Variants in PLCH1 observed in about 807,000 individuals in gnomAD.
The protein encoded by PLCH1 is 1-phosphatidylinositol 4,5-bisphosphate phosphodiesterase eta-1.
PLCH1 carries 60 observed loss-of-function variants against 126.7 expected under a neutral mutation model. That is an observed-to-expected ratio of 0.47 (90% CI 0.38 to 0.59). The LOEUF (loss-of-function observed/expected upper bound fraction) is 0.59, where lower values mean the gene tolerates loss of function less well. Among genes scored for constraint, PLCH1 ranks in the 20% least tolerant of loss-of-function variants. The pLI is 0.00. For synonymous variants in PLCH1, 719 were observed against 734.9 expected, an observed-to-expected ratio of 0.98 and a Z score of 0.35; for missense variants, 1,723 against 2,040.0, an observed-to-expected ratio of 0.84 and a Z score of 2.99.
chr3:155,546,072 C>T (rs1725227814), intron 10 of PLCH1, among the ~76,000 whole-genome samples: 1 of 152,080 alleles, frequency 6.6e-6, no homozygotes. Context: ...AAAGGGTATT[C>T]AATTAGGAAA....
chr3:155,743,044 T>A (rs1022142690), intron 1 of PLCH1: 3 of 277,566 alleles, frequency 1.1e-5, no homozygotes, highest in South Asian at 3.0e-5. Context: ...TTCTAACCAA[T>A]GTTAAATAGC....
At chr3:155,498,406 G>A (rs1013166739) in intron 14 of PLCH1, among the ~76,000 whole-genome samples, 1 of 152,158 alleles carries the variant, frequency 6.6e-6, no homozygotes, top group Non-Finnish European at 1.5e-5. Flanking sequence ...TCATGATGAC[G>A]TGGGGACTAT....
chr3:155,462,098 A>G (rs906902905), intron 21 of PLCH1, among the ~76,000 whole-genome samples: 5 of 152,226 alleles, frequency 3.3e-5, no homozygotes, highest in South Asian at 2.1e-4. Context: ...TGAACTGGAA[A>G]TTGCAACTAT....
chr3:155,526,489 T>TACACACACACAC (rs35144196), intron 10 of PLCH1, among the ~76,000 whole-genome samples: 116 of 126,658 alleles, frequency 9.2e-4, no homozygotes, highest in African/African-American at 3.0e-3. Context: ...CTCTCTCTCA[T>TACACACACACAC]ACACACACAC....
chr3:155,470,578 C>T (rs968742996), intron 21 of PLCH1, among the ~76,000 whole-genome samples: 1 of 152,032 alleles, frequency 6.6e-6, no homozygotes, highest in Non-Finnish European at 1.5e-5. Flanking sequence ...ACAGAAAACG[C>T]CACAAAGATA....
intron 2 of PLCH1, among the ~76,000 whole-genome samples, chr3:155,613,511 T>A (rs1735404214): frequency 6.6e-6 from 1 of 152,120 alleles, no homozygotes; most frequent in African/African-American, 2.4e-5. Context: ...CACAAGTCAA[T>A]AAATATGTTA....
At chr3:155,555,104 G>C (rs1726635708) in intron 8 of PLCH1, among the ~76,000 whole-genome samples, 1 of 152,214 alleles carries the variant, frequency 6.6e-6, no homozygotes. Context: ...GCATAGCACA[G>C]CATCCAACAC....
At chr3:155,700,121 G>T (rs117303061) in intron 2 of PLCH1, among the ~76,000 whole-genome samples, 1 of 152,126 alleles carries the variant, frequency 6.6e-6, no homozygotes, top group African/African-American at 2.4e-5. Flanking sequence ...GGCCCCAGAA[G>T]TGACATGAGG....
At chr3:155,711,072 ACTT>A (rs1425127512) in intron 1 of PLCH1, among the ~76,000 whole-genome samples, 1 of 151,722 alleles carries the variant, frequency 6.6e-6, no homozygotes, top group Non-Finnish European at 1.5e-5. Context: ...CAACAAATAT[ACTT>A]CTACAGAACA....
chr3:155,538,341 G>C (rs530141029), intron 10 of PLCH1, among the ~76,000 whole-genome samples: 3 of 152,132 alleles, frequency 2.0e-5, no homozygotes, highest in Admixed American at 2.0e-4. Context: ...CAAGGAACTA[G>C]AGAAACAAAA....
At chr3:155,721,874 C>A (rs1390975736) in intron 1 of PLCH1, among the ~76,000 whole-genome samples, 1 of 152,014 alleles carries the variant, frequency 6.6e-6, no homozygotes, top group Non-Finnish European at 1.5e-5. Flanking sequence ...ATGGTGAAAC[C>A]TCATCTCTAC....
chr3:155,482,800 G>C lies in PLCH1; in HGVS notation c.3226C>G (p.Leu1076Val), dbSNP rs375884401. 9.9e-6 allele frequency: 16 copies of C among 1,614,040 alleles called. No individual in the cohort carries two copies. The highest frequency in any genetic ancestry group is 3.3e-5 in the South Asian group (3 of 91,078). Reference protein sequence around the residue: ...CQENPCPSKSLSPKQHLAPDP... With the variant: ...CQENPCPSKSVSPKQHLAPDP... ...GGAGCCAAATGCTGCTTTGGGGAGAGAGACTTGCTGGGACAGGGGTTTTCC... is the reference window on the plus strand; with the variant it reads ...GGAGCCAAATGCTGCTTTGGGGAGACAGACTTGCTGGGACAGGGGTTTTCC... The change falls in exon 23 of 23, where the codon CTC becomes GTC. Residue 1076 changes from leucine to valine, a missense_variant. Transcript: ENST00000460012.
intron 2 of PLCH1, among the ~76,000 whole-genome samples, chr3:155,667,882 T>C (rs535832711): frequency 6.0e-5 from 7 of 116,970 alleles, no homozygotes; most frequent in African/African-American, 2.4e-4. Context: ...CTGGCCAACA[T>C]GGCGAAACCC....
chr3:155,540,798 T>G lies in PLCH1; in HGVS notation c.1362+8989A>C, dbSNP rs552063866. 1.4e-3 allele frequency among the ~76,000 whole-genome samples: 219 copies of G among 152,184 alleles called. 8 individuals carry two copies. In the South Asian group the frequency reaches 0.043, roughly 30 times the overall value. On this transcript the variant is annotated intron_variant, in intron 10 of 22. Coordinates refer to ENST00000460012, the MANE Select transcript of PLCH1 (RefSeq NM_014996.4). Reference sequence around the variant, plus strand: ...AACACTTTTACACTGCTGGAGGGAATGGAAACTAGTACAACCATTATGGAA... The same window carrying G: ...AACACTTTTACACTGCTGGAGGGAAGGGAAACTAGTACAACCATTATGGAA...
chr3:155,684,288 G>A (rs1383418951), intron 2 of PLCH1, among the ~76,000 whole-genome samples: 1 of 152,160 alleles, frequency 6.6e-6, no homozygotes, highest in African/African-American at 2.4e-5. Flanking sequence ...CGGGTAGAGA[G>A]GAGAAGATGA....
At chr3:155,629,945 T>C (rs959491450) in intron 2 of PLCH1, among the ~76,000 whole-genome samples, 7 of 152,234 alleles carry the variant, frequency 4.6e-5, no homozygotes, top group African/African-American at 1.7e-4. Context: ...GAAGATTAAG[T>C]AATTTAAAGG....
intron 2 of PLCH1, among the ~76,000 whole-genome samples, chr3:155,648,207 G>C (rs140986112): frequency 1.3e-5 from 2 of 152,076 alleles, no homozygotes; most frequent in African/African-American, 2.4e-5. Context: ...CAGTCCCCAG[G>C]GAACAATAGT....
At chr3:155,531,912 T>G (rs1447737192) in intron 10 of PLCH1, among the ~76,000 whole-genome samples, 1 of 152,254 alleles carries the variant, frequency 6.6e-6, no homozygotes, top group Non-Finnish European at 1.5e-5. Context: ...TGATCATTTA[T>G]CCAGACCACT....
chr3:155,497,332 T>C lies in PLCH1; in HGVS notation c.1882A>G (p.Ile628Val). 2 of 1,607,220 alleles carry C rather than the reference T, an allele frequency of 1.2e-6. No individual in the cohort carries two copies. The highest frequency in any genetic ancestry group is 1.3e-5 in the African/African-American group (1 of 74,934). The change falls in exon 15 of 23, where the codon ATT becomes GTT. Residue 628 changes from isoleucine to valine, a missense_variant. Around this residue, in one of 2 missense-constraint regions of PLCH1, gnomAD observed 776 missense variants for 1,062.9 expected, o/e 0.73. Transcript: ENST00000460012. ...TCTCCATCCTTACCGTCATCCACAATGTCCTGAGCGGCCACGGAGTTTGTG... is the reference window on the plus strand; with the variant it reads ...TCTCCATCCTTACCGTCATCCACAACGTCCTGAGCGGCCACGGAGTTTGTG... ...VYTNSVAAQD[I>V]VDDGTTGNVL...
Sources: allele counts gnomAD v4.1 joint callset (sites outside exome capture counted in the v4.1 genomes callset), GRCh38; gene constraint gnomAD v4.1.1; regional missense constraint gnomAD v4.1.1; transcripts MANE v1.5; gene names NCBI Gene and HGNC (gene_info 2026-07-23, HGNC 2026-07-21).